Variants in LUZP2 observed in about 807,000 individuals in gnomAD.
LUZP2 encodes the protein leucine zipper protein 2.
LUZP2 carries 52 observed loss-of-function variants against 51.6 expected under a neutral mutation model. The ratio of observed to expected loss-of-function variants is 1.01; its 90% CI spans 0.81 to 1.27. LUZP2 has a LOEUF of 1.27. Ranked by LOEUF, LUZP2 falls within the 50% of genes most tolerant of loss-of-function variation. LUZP2 has a pLI of 0.00. For missense variants in LUZP2, 436 were observed against 395.4 expected, an observed-to-expected ratio of 1.10 and a Z score of -0.87; for synonymous variants, 154 against 137.3, an observed-to-expected ratio of 1.12 and a Z score of -0.85.
intron 1 of LUZP2, among the ~76,000 whole-genome samples, chr11:24,595,105 T>G (rs1193520822): frequency 6.6e-6 from 1 of 151,682 alleles, no homozygotes; most frequent in Non-Finnish European, 1.5e-5. Context: ...GCCTGGGAAT[T>G]GCTGTGCTTC....
intron 9 of LUZP2, among the ~76,000 whole-genome samples, chr11:24,996,934 C>A (rs1337805100): frequency 6.6e-5 from 10 of 151,270 alleles, no homozygotes; most frequent in Admixed American, 2.0e-4. Flanking sequence ...CATGTCCCTA[C>A]AAAGGACATG....
chr11:24,895,118 G>A (rs1346489369), intron 5 of LUZP2, among the ~76,000 whole-genome samples: 1 of 152,108 alleles, frequency 6.6e-6, no homozygotes, highest in Non-Finnish European at 1.5e-5. Flanking sequence ...CTCCATGACA[G>A]ATTTTCCGTG....
intron 1 of LUZP2, among the ~76,000 whole-genome samples, chr11:24,598,562 T>G (rs955473460): frequency 2.0e-5 from 3 of 152,088 alleles, no homozygotes; most frequent in Admixed American, 6.6e-5. Context: ...GGGACGATTG[T>G]GCAAATATCT....
chr11:24,758,236 T>C (rs886908666), intron 4 of LUZP2, among the ~76,000 whole-genome samples: 2 of 152,082 alleles, frequency 1.3e-5, no homozygotes, highest in Non-Finnish European at 2.9e-5. Context: ...GAAAATGTGT[T>C]CTATGTTTTG....
At chr11:24,962,989 C>T (rs1001375829) in intron 7 of LUZP2, among the ~76,000 whole-genome samples, 5 of 152,146 alleles carry the variant, frequency 3.3e-5, no homozygotes, top group South Asian at 2.1e-4. Context: ...CTGACAGGAC[C>T]GTCAGCTGCA....
At chr11:24,641,454 T>C (rs940777654) in intron 1 of LUZP2, among the ~76,000 whole-genome samples, 1 of 151,856 alleles carries the variant, frequency 6.6e-6, no homozygotes, top group African/African-American at 2.4e-5. Context: ...TGTGTGTTAA[T>C]TTATGAAAAA....
chr11:24,997,556 C>T (rs1856545150), intron 9 of LUZP2, among the ~76,000 whole-genome samples: 1 of 152,030 alleles, frequency 6.6e-6, no homozygotes, highest in Non-Finnish European at 1.5e-5. Flanking sequence ...AAATGTTCTC[C>T]CATTTTGTAG....
At chr11:24,625,218 C>A (rs1014804383) in intron 1 of LUZP2, among the ~76,000 whole-genome samples, 1 of 151,818 alleles carries the variant, frequency 6.6e-6, no homozygotes, top group Non-Finnish European at 1.5e-5. Context: ...GGTCAAAGGG[C>A]ACAAAATGTC....
chr11:25,072,629 C>T (rs1859189270), intron 10 of LUZP2, among the ~76,000 whole-genome samples: 1 of 152,060 alleles, frequency 6.6e-6, no homozygotes, highest in Non-Finnish European at 1.5e-5. Context: ...GCTATAGTTG[C>T]AGTTTTCTCT....
intron 5 of LUZP2, among the ~76,000 whole-genome samples, chr11:24,904,710 G>A (rs1433236874): frequency 6.6e-6 from 1 of 152,092 alleles, no homozygotes; most frequent in Non-Finnish European, 1.5e-5. Context: ...CCTTCAGCTT[G>A]TCTCTTCACT....
intron 9 of LUZP2, among the ~76,000 whole-genome samples, chr11:25,010,784 T>C (rs1241897816): frequency 6.6e-6 from 1 of 151,604 alleles, no homozygotes; most frequent in Non-Finnish European, 1.5e-5. Flanking sequence ...GAAGGGGAGG[T>C]TGCAGTGAGC....
At chr11:24,674,632 T>G (rs1282376609) in intron 1 of LUZP2, among the ~76,000 whole-genome samples, 1 of 152,166 alleles carries the variant, frequency 6.6e-6, no homozygotes, top group African/African-American at 2.4e-5. Flanking sequence ...CACATGCTTA[T>G]ATGCAACCTT....
intron 9 of LUZP2, among the ~76,000 whole-genome samples, chr11:25,044,770 T>C (rs941683627): frequency 3.3e-5 from 5 of 151,856 alleles, no homozygotes; most frequent in African/African-American, 4.8e-5. Context: ...GTATGTTTAT[T>C]GCGGCACTAT....
intron 1 of LUZP2, among the ~76,000 whole-genome samples, chr11:24,725,717 G>T (rs1255750156): frequency 6.6e-6 from 1 of 152,100 alleles, no homozygotes; most frequent in Non-Finnish European, 1.5e-5. Context: ...TAATAGGTTG[G>T]AATATGTGCC....
rs1306614067 is a variant in LUZP2 at position 24,932,932 on chromosome 11, A to T, written c.522+18394A>T. Reference sequence around the variant, plus strand: ...ATTCCTCTGGCAGCCTTCCCCAAGGACCCCTGTGAGACCATGTCAGAAATG... The same window carrying T: ...ATTCCTCTGGCAGCCTTCCCCAAGGTCCCCTGTGAGACCATGTCAGAAATG... On this transcript the variant is annotated intron_variant, in intron 7 of 11. Coordinates refer to ENST00000336930, the MANE Select transcript of LUZP2 (RefSeq NM_001009909.4). Among the ~76,000 whole-genome samples the T allele has an allele frequency of 5.9e-5, 9 of 152,038 alleles. No homozygotes were observed. In the East Asian group the frequency reaches 1.6e-3, roughly 26 times the overall value.
chr11:24,531,039 T>TTTATTATTATTATTATTATTATTATTA (rs367681666), intron 1 of LUZP2, among the ~76,000 whole-genome samples: 3,271 of 144,842 alleles, frequency 0.023, 76 homozygotes, highest in African/African-American at 0.05. Flanking sequence ...TTTAGCCTCT[T>TTTATTATTATTATTATTATTATTATTA]TTATTATTAT....
chr11:24,813,082 T>G (rs1398419897), intron 5 of LUZP2, among the ~76,000 whole-genome samples: 1 of 152,186 alleles, frequency 6.6e-6, no homozygotes, highest in Non-Finnish European at 1.5e-5. Flanking sequence ...TCTTGATAAT[T>G]ACTTTTGTCC....
At chr11:24,534,603 T>G (rs1299676408) in intron 1 of LUZP2, among the ~76,000 whole-genome samples, 1 of 151,402 alleles carries the variant, frequency 6.6e-6, no homozygotes, top group Non-Finnish European at 1.5e-5. Context: ...TAGTCTTCAG[T>G]AAGAAGATAA....
At chr11:25,020,339 T>C (rs1221036402) in intron 9 of LUZP2, among the ~76,000 whole-genome samples, 3 of 152,160 alleles carry the variant, frequency 2.0e-5, no homozygotes, top group African/African-American at 4.8e-5. Flanking sequence ...GATTTACTAA[T>C]AAATTGTGAT....
Sources: gnomAD v4.1 joint callset for allele counts (sites outside exome capture counted in the v4.1 genomes callset) on GRCh38, gnomAD v4.1.1 for gene constraint, MANE v1.5 for transcripts, NCBI Gene and HGNC (gene_info 2026-07-23, HGNC 2026-07-21) for gene names.